Variants in UTP4 observed in about 807,000 individuals in gnomAD.
The protein encoded by UTP4 is UTP4 small subunit processome component, also known as U3 small nucleolar RNA-associated protein 4 homolog.
In UTP4, 45 loss-of-function variants were observed where a neutral mutation model predicts 82.4. That is an observed-to-expected ratio of 0.55 (90% CI 0.43 to 0.70). UTP4 has a LOEUF of 0.70. Among genes scored for constraint, UTP4 ranks in the 30% least tolerant of loss-of-function variants. The pLI is 0.00. For missense variants in UTP4, 819 were observed against 858.3 expected, an observed-to-expected ratio of 0.95 and a Z score of 0.57; for synonymous variants, 348 against 300.3, an observed-to-expected ratio of 1.16 and a Z score of -1.64.
At chr16:69,142,928 A>G (rs1402831558) in intron 5 of UTP4, among the ~76,000 whole-genome samples, 1 of 151,854 alleles carries the variant, frequency 6.6e-6, no homozygotes. Flanking sequence ...TCAGGTAACC[A>G]TTTTGGAGTT....
intron 6 of UTP4, among the ~76,000 whole-genome samples, chr16:69,150,302 G>A (rs1468212093): frequency 6.6e-6 from 1 of 152,156 alleles, no homozygotes; most frequent in Admixed American, 6.5e-5. Flanking sequence ...GGTATATGAA[G>A]CGTTGCTGTA....
chr16:69,153,639 A>T lies in UTP4; in HGVS notation c.1058A>T (p.His353Leu). 1 of 1,613,528 alleles carries T rather than the reference A, an allele frequency of 6.2e-7. No homozygotes were observed. The highest frequency in any genetic ancestry group is 1.1e-5 in the South Asian group (1 of 90,862). ...KRQLLLFQFAHHLELWRLGST... is the reference protein window; with the variant it reads ...KRQLLLFQFALHLELWRLGST... ...CAGCTTCTCCTCTTCCAGTTTGCTC[A>T]TCACTTAGAACTTTGGCGACTGGGA... Residue 353 changes from histidine (H) to leucine (L), a missense_variant, in exon 9 of 17, where the codon CAT becomes CTT. By Grantham distance (99) the His-to-Leu change is moderately conservative. Transcript: ENST00000314423.
chr16:69,163,303 G>C, intron 14 of UTP4, 125 bp downstream of exon 14: 1 of 789,620 alleles, frequency 1.3e-6, no homozygotes. Flanking sequence ...GTTTTCTCCT[G>C]TGTGAAGTAA....
intron 6 of UTP4, among the ~76,000 whole-genome samples, chr16:69,145,146 T>TAAC (rs1327269284): frequency 1.3e-5 from 2 of 151,100 alleles, no homozygotes; most frequent in African/African-American, 4.9e-5. Flanking sequence ...CCATCTCAAA[T>TAAC]AACAATAATA....
chr16:69,153,011 CCTTAGTGTGT>C (rs1963316060), intron 8 of UTP4, among the ~76,000 whole-genome samples: 1 of 152,168 alleles, frequency 6.6e-6, no homozygotes, highest in South Asian at 2.1e-4. Context: ...AAGACAGTTT[CCTTAGTGTGT>C]CTTATAGAAC....
chr16:69,136,718 G>A lies in UTP4; in HGVS notation c.182G>A (p.Arg61Gln), dbSNP rs779665634. ...QEKFFPGHES[R>Q]ATEALCWAEG... ...CAGTTTTTCCCAGGTCATGAGTCTC[G>A]GGCTACAGAAGCTTTGTGCTGGGCA... Residue 61 changes from arginine (R) to glutamine (Q), a missense_variant, in exon 3 of 17, where the codon CGG (arginine) becomes CAG (glutamine). Physicochemically the swap from Arg to Gln is conservative, Grantham distance 43. Transcript: ENST00000314423. 3.7e-6 allele frequency: 6 copies of A among 1,613,980 alleles called. No individual in the cohort carries two copies. Among genetic ancestry groups the A allele is most frequent in the African/African-American group, 1.3e-5 (1 of 75,018 alleles).
intron 12 of UTP4, 125 bp from the exon 13 acceptor site, chr16:69,160,231 C>A: frequency 2.5e-6 from 2 of 800,152 alleles, no homozygotes; most frequent in South Asian, 2.7e-5. Context: ...GCACAGTGAT[C>A]AGCAAATTAT....
chr16:69,133,766 T>C (rs1389848463), intron 2 of UTP4, 148 bp downstream of exon 2: 3 of 771,202 alleles, frequency 3.9e-6, no homozygotes, highest in Non-Finnish European at 4.4e-6. Context: ...TGAGATCTCC[T>C]AACTGATAAG....
intron 8 of UTP4, among the ~76,000 whole-genome samples, chr16:69,152,306 G>A (rs1477029826): frequency 4.6e-5 from 7 of 151,464 alleles, no homozygotes; most frequent in Non-Finnish European, 8.8e-5. Context: ...GTTTTTTTGA[G>A]ACAAGGTCTT....
intron 12 of UTP4, among the ~76,000 whole-genome samples, chr16:69,159,228 A>C (rs1206552111): frequency 6.6e-6 from 1 of 151,492 alleles, no homozygotes; most frequent in African/African-American, 2.4e-5. Context: ...AGGCACCCAC[A>C]ACCACGCCCA....
At chr16:69,164,875 C>T (rs897271556) in intron 14 of UTP4, among the ~76,000 whole-genome samples, 1 of 151,850 alleles carries the variant, frequency 6.6e-6, no homozygotes. Flanking sequence ...AGATACAGAA[C>T]GCTATGTATT....
intron 14 of UTP4, 97 bp downstream of exon 14, chr16:69,163,275 G>A: frequency 3.1e-6 from 3 of 977,532 alleles, no homozygotes; most frequent in South Asian, 1.3e-5. Context: ...TTTTGAAGGT[G>A]TTGGAGGATA....
chr16:69,134,689 T>C (rs897439114), intron 2 of UTP4, among the ~76,000 whole-genome samples: 4 of 151,566 alleles, frequency 2.6e-5, no homozygotes, highest in Non-Finnish European at 4.4e-5. Flanking sequence ...TGATTTTCTT[T>C]TTTTTTCTTT....
chr16:69,149,290 G>T (rs577397095), intron 6 of UTP4, among the ~76,000 whole-genome samples: 1 of 152,308 alleles, frequency 6.6e-6, no homozygotes, highest in South Asian at 2.1e-4. Context: ...TGAGGCAGAA[G>T]AATGGCTTGA....
chr16:69,143,220 G>A lies in UTP4; in HGVS notation c.569G>A (p.Gly190Asp). 6.2e-7 allele frequency: 1 copy of A among 1,614,240 alleles called. No homozygotes were observed. Among genetic ancestry groups the A allele is most frequent in the Non-Finnish European group, 8.5e-7 (1 of 1,180,044 alleles). ...HKMIVDRQYM[G>D]VSKRKCIVWG... is the part of the protein sequence containing the mutation. ...ATGATTGTGGACAGGCAGTATATGG[G>A]CGTGTCTAAGCGGAAGTGCATCGTG... Residue 190 changes from glycine to aspartate, a missense_variant, in exon 6 of 17, where the codon GGC becomes GAC. By Grantham distance (94) the Gly-to-Asp change is moderately conservative (BLOSUM62 -1). Transcript: ENST00000314423.
At chr16:69,138,561 T>G (rs1431712354) in intron 4 of UTP4, among the ~76,000 whole-genome samples, 1 of 152,178 alleles carries the variant, frequency 6.6e-6, no homozygotes, top group Non-Finnish European at 1.5e-5. Flanking sequence ...TTCTTAATCC[T>G]TCTGGTGCAT....
chr16:69,141,275 C>A lies in UTP4; in HGVS notation c.526+1361C>A, dbSNP rs114199680. Among the ~76,000 whole-genome samples the A allele has an allele frequency of 4.7e-3, 714 of 152,306 alleles. 7 individuals are homozygous for A. Among genetic ancestry groups the A allele is most frequent in the African/African-American group, 0.016 (685 of 41,572 alleles). On this transcript the variant is annotated intron_variant, in intron 5 of 16. Transcript: ENST00000314423. The stretch of plus-strand genomic sequence containing the variant: ...CTCGGGATCTCCTTTGCTTCTCTAT[C>A]GGATAGGATCTCCCATTTCTGTGTT...
In UTP4 at chr16:69,138,860, C is replaced by T. The variant is rs373105622; in HGVS notation, c.437-965C>T. Among the ~76,000 whole-genome samples the T allele has an allele frequency of 3.3e-5, 5 of 152,214 alleles. No individual in the cohort carries two copies. The South Asian group carries it at 1.0e-3, about 32-fold the overall frequency. On this transcript the variant is annotated intron_variant, in intron 4 of 16. Coordinates refer to ENST00000314423, the MANE Select transcript of UTP4 (RefSeq NM_032830.3). ...TGGCCTGTGGGCCACAGTTTGGTGA[C>T]CCATCTTCTAGAATAGCAAATGTCC... is the stretch of plus-strand genomic sequence containing the variant.
intron 4 of UTP4, among the ~76,000 whole-genome samples, chr16:69,138,549 G>A (rs1280788577): frequency 2.0e-5 from 3 of 152,150 alleles, no homozygotes; most frequent in African/African-American, 7.2e-5. Context: ...AAGGAACTGT[G>A]GTTCTTAATC....
Sources: gnomAD v4.1 joint callset for allele counts (sites outside exome capture counted in the v4.1 genomes callset) on GRCh38, gnomAD v4.1.1 for gene constraint, MANE v1.5 for transcripts, NCBI Gene and HGNC (gene_info 2026-07-23, HGNC 2026-07-21) for gene names.